Variants in FRMD4B observed in about 807,000 individuals in gnomAD.
FRMD4B encodes the protein FERM domain containing 4B.
Under a neutral mutation model 141.5 loss-of-function variants are expected in FRMD4B, and 74 were observed. That is an observed-to-expected ratio of 0.52 (90% CI 0.43 to 0.63). FRMD4B has a LOEUF of 0.63. Among genes scored for constraint, FRMD4B ranks in the 30% least tolerant of loss-of-function variants. The pLI, the probability that FRMD4B is intolerant of heterozygous loss-of-function variation, is 0.00. For missense variants in FRMD4B, 1,366 were observed against 1,253.4 expected (o/e 1.09, Z -1.36); for synonymous variants, 506 against 467.9 (o/e 1.08, Z -1.05).
At position 69,330,340 on chromosome 3, in the gene FRMD4B, C is replaced by CTCTTTTTT. The variant is rs1225031283; in HGVS notation, c.163-16824_163-16823insAAAAAAGA. ...CAACATTATATTTTGATTCTTTTGC[C>CTCTTTTTT]TTTTTTTTTTTTTTTTTTTTTTTTG... On this transcript the variant is annotated intron_variant, in intron 1 of 22. Coordinates refer to ENST00000398540, the MANE Select transcript of FRMD4B (RefSeq NM_015123.3). Among the ~76,000 whole-genome samples, 73 of 42,940 alleles carry CTCTTTTTT rather than the reference C, an allele frequency of 1.7e-3. 2 individuals are homozygous for CTCTTTTTT. The highest frequency in any genetic ancestry group is 8.3e-3 in the African/African-American group (69 of 8,338). 28.2% of individuals were successfully genotyped at this position (42,940 alleles called of 152,430 possible). A position where few individuals can be genotyped will look rare whatever the true frequency, so the allele number is the denominator to read the frequency against.
At chr3:69,301,500 G>A (rs2107162634) in intron 4 of FRMD4B, among the ~76,000 whole-genome samples, 1 of 151,482 alleles carries the variant, frequency 6.6e-6, no homozygotes, top group South Asian at 2.1e-4. Flanking sequence ...AATTTTTTTT[G>A]TGTATTTTTA....
At chr3:69,290,879 C>G (rs1054572511) in intron 4 of FRMD4B, among the ~76,000 whole-genome samples, 3 of 152,184 alleles carry the variant, frequency 2.0e-5, no homozygotes, top group Non-Finnish European at 4.4e-5. Context: ...ACATCTCCTC[C>G]TGGGCTGCCG....
chr3:69,519,997 C>CATATATATATATATATAT (rs71618288), intron 1 of FRMD4B, among the ~76,000 whole-genome samples: 3 of 88,388 alleles, frequency 3.4e-5, no homozygotes, highest in Admixed American at 1.2e-4. Flanking sequence ...AGTAGTATTC[C>CATATATATATATATATAT]ATATATATAT....
intron 1 of FRMD4B, among the ~76,000 whole-genome samples, chr3:69,469,985 G>A (rs1021249482): frequency 1.3e-5 from 2 of 152,144 alleles, no homozygotes; most frequent in African/African-American, 4.8e-5. Context: ...CTGTGGGACA[G>A]AATCAGAAAA....
intron 1 of FRMD4B, among the ~76,000 whole-genome samples, chr3:69,377,700 G>A (rs756600945): frequency 6.6e-6 from 1 of 152,112 alleles, no homozygotes; most frequent in Non-Finnish European, 1.5e-5. Context: ...TACCCCTCTC[G>A]TAACAACCTG....
At chr3:69,403,218 GA>G (rs945461476) in intron 2 of FRMD4B, among the ~76,000 whole-genome samples, 1 of 151,730 alleles carries the variant, frequency 6.6e-6, no homozygotes, top group African/African-American at 2.4e-5. Context: ...CCTCAGAAAA[GA>G]AAAAAAATCA....
At chr3:69,356,157 A>G (rs960893027) in intron 1 of FRMD4B, among the ~76,000 whole-genome samples, 6 of 152,128 alleles carry the variant, frequency 3.9e-5, no homozygotes, top group Non-Finnish European at 8.8e-5. Flanking sequence ...AGACTGACCA[A>G]TAAAATCACT....
intron 11 of FRMD4B, among the ~76,000 whole-genome samples, chr3:69,210,780 C>G (rs946512484): frequency 2.0e-5 from 3 of 151,998 alleles, no homozygotes; most frequent in African/African-American, 7.2e-5. Flanking sequence ...TTGGGAGGCT[C>G]AGGCAGGTGG....
chr3:69,284,762 C>G (rs1054103451), intron 5 of FRMD4B, among the ~76,000 whole-genome samples: 40 of 152,246 alleles, frequency 2.6e-4, no homozygotes, highest in African/African-American at 9.4e-4. Context: ...TTAGGATAAA[C>G]AGACAAAGGC....
chr3:69,207,185 G>A (rs1241039371), intron 11 of FRMD4B, among the ~76,000 whole-genome samples: 1 of 151,842 alleles, frequency 6.6e-6, no homozygotes, highest in Non-Finnish European at 1.5e-5. Flanking sequence ...CATGCCTATA[G>A]TCCTAGCTAC....
At chr3:69,215,925 G>A (rs1332344389) in intron 11 of FRMD4B, among the ~76,000 whole-genome samples, 2 of 151,742 alleles carry the variant, frequency 1.3e-5, no homozygotes, top group Non-Finnish European at 2.9e-5. Flanking sequence ...AGGCCAAGGT[G>A]GGCAGATCAC....
intron 1 of FRMD4B, among the ~76,000 whole-genome samples, chr3:69,348,028 A>G (rs1360609917): frequency 1.3e-5 from 2 of 152,200 alleles, no homozygotes; most frequent in Non-Finnish European, 2.9e-5. Context: ...CCTTCAAAAA[A>G]TCAATGAATC....
intron 4 of FRMD4B, among the ~76,000 whole-genome samples, chr3:69,295,656 A>T (rs1218544839): frequency 6.6e-6 from 1 of 151,976 alleles, no homozygotes; most frequent in Non-Finnish European, 1.5e-5. Flanking sequence ...GAGACCAGGG[A>T]TGCTGCTAAA....
At chr3:69,517,246 G>C (rs1700774520) in intron 1 of FRMD4B, among the ~76,000 whole-genome samples, 1 of 152,156 alleles carries the variant, frequency 6.6e-6, no homozygotes, top group African/African-American at 2.4e-5. Flanking sequence ...ATCTGTAAAT[G>C]CATATTTCTT....
intron 7 of FRMD4B, 143 bp from the exon 8 acceptor site, chr3:69,224,833 A>G (rs1381585155): frequency 1.7e-6 from 1 of 582,854 alleles, no homozygotes; most frequent in East Asian, 2.9e-5. Context: ...CTCTAACTAG[A>G]AGCAGCCCCC....
chr3:69,235,951 T>C (rs2093343214), intron 7 of FRMD4B, among the ~76,000 whole-genome samples: 1 of 152,206 alleles, frequency 6.6e-6, no homozygotes, highest in Non-Finnish European at 1.5e-5. Flanking sequence ...AGAGGAAAGA[T>C]TTTAACTTTG....
intron 1 of FRMD4B, among the ~76,000 whole-genome samples, chr3:69,503,792 A>G (rs367777311): frequency 8.5e-5 from 13 of 152,192 alleles, no homozygotes; most frequent in African/African-American, 3.1e-4. Flanking sequence ...CTAAACAGTT[A>G]GTATTTGTTA....
chr3:69,224,783 A>ATT, intron 7 of FRMD4B, 93 bp from the exon 8 acceptor site: 1 of 699,498 alleles, frequency 1.4e-6, no homozygotes, highest in Non-Finnish European at 2.6e-6. Flanking sequence ...AAAAATAACT[A>ATT]TTTACAGCAT....
intron 1 of FRMD4B, among the ~76,000 whole-genome samples, chr3:69,540,405 G>C (rs1701154985): frequency 6.6e-6 from 1 of 151,312 alleles, no homozygotes; most frequent in South Asian, 2.1e-4. Flanking sequence ...ACAAGGCCAG[G>C]AGATGGCGAC....
Sources: allele counts gnomAD v4.1 joint callset (sites outside exome capture counted in the v4.1 genomes callset), GRCh38; gene constraint gnomAD v4.1.1; transcripts MANE v1.5; gene names NCBI Gene and HGNC (gene_info 2026-07-23, HGNC 2026-07-21).